Variants in INSL6 observed in about 807,000 individuals in gnomAD.
The protein encoded by INSL6 is insulin like 6, also known as insulin-like peptide INSL6.
In INSL6, 16 loss-of-function variants were observed where a neutral mutation model predicts 9.4. That is an observed-to-expected ratio of 1.70 (90% confidence interval 1.15 to 2.59). INSL6 has a LOEUF of 2.59. INSL6 is among the 30% of genes most tolerant of loss of function. INSL6 has a pLI of 0.00. For missense variants in INSL6, 391 were observed against 257.3 expected (o/e 1.52, Z -3.56); for synonymous variants, 154 against 96.9 (o/e 1.59, Z -3.46).
At chr9:5,006,924 T>C in the INSL6 span, among the ~76,000 whole-genome samples, 2 of 152,346 alleles carry the variant, frequency 1.3e-5, no homozygotes, top group East Asian at 1.9e-4. Flanking sequence ...AATTGGAGAA[T>C]ATTCCTGTTG....
At chr9:5,172,975 T>C (rs989195212) in intron 1 of INSL6, among the ~76,000 whole-genome samples, 16 of 151,646 alleles carry the variant, frequency 1.1e-4, no homozygotes, top group Non-Finnish European at 4.4e-5. Flanking sequence ...AGACATTTCT[T>C]AAAAGAAGGC....
intron 2 of INSL6, among the ~76,000 whole-genome samples, chr9:5,157,462 T>C (rs1230060886): frequency 1.3e-5 from 2 of 152,132 alleles, no homozygotes; most frequent in Non-Finnish European, 2.9e-5. Context: ...TATAGTCAAC[T>C]GATTTTTGTA....
chr9:5,115,303 TG>T, the INSL6 span, among the ~76,000 whole-genome samples: 1 of 151,986 alleles, frequency 6.6e-6, no homozygotes, highest in East Asian at 1.9e-4. Flanking sequence ...AACAAACATA[TG>T]AAAAAAAGCT....
chr9:5,036,859 A>G, the INSL6 span, among the ~76,000 whole-genome samples: 1 of 152,232 alleles, frequency 6.6e-6, no homozygotes, highest in Non-Finnish European at 1.5e-5. Context: ...AGAATTGACA[A>G]ATGGGATCTC....
the INSL6 span, among the ~76,000 whole-genome samples, chr9:4,995,340 G>C: frequency 2.0e-5 from 3 of 152,094 alleles, no homozygotes; most frequent in Non-Finnish European, 1.5e-5. Context: ...TAGATAGTGT[G>C]ATTTTGTTGT....
At chr9:5,030,313 T>C in the INSL6 span, among the ~76,000 whole-genome samples, 1 of 152,192 alleles carries the variant, frequency 6.6e-6, no homozygotes, top group Non-Finnish European at 1.5e-5. Context: ...AAAGAGACTT[T>C]TCCCAGTGTG....
At chr9:5,124,251 T>G (rs1351884982) in exon 4 of INSL6, among the ~76,000 whole-genome samples, 1 of 151,952 alleles carries the variant, frequency 6.6e-6, no homozygotes, top group Non-Finnish European at 1.5e-5. Context: ...TTGTTGCCTA[T>G]GCTTTTGAGG....
the INSL6 span, among the ~76,000 whole-genome samples, chr9:5,029,007 A>C: frequency 1.3e-5 from 2 of 152,182 alleles, no homozygotes; most frequent in Non-Finnish European, 2.9e-5. Context: ...CTTTGCATTC[A>C]GAACTTGATT....
the INSL6 span, chr9:5,070,154 C>A: frequency 2.7e-5 from 20 of 737,456 alleles, no homozygotes; most frequent in Non-Finnish European, 4.0e-5. Flanking sequence ...TTGTTATATA[C>A]AAATTTAGTT....
chr9:5,154,601 T>C (rs1368140606), intron 2 of INSL6, among the ~76,000 whole-genome samples: 3 of 152,154 alleles, frequency 2.0e-5, no homozygotes, highest in African/African-American at 7.2e-5. Flanking sequence ...ATCCAGAATC[T>C]ACGATGAACT....
the INSL6 span, among the ~76,000 whole-genome samples, chr9:5,051,731 G>T: frequency 6.6e-6 from 1 of 152,106 alleles, no homozygotes; most frequent in African/African-American, 2.4e-5. Context: ...CATGAGTGTG[G>T]TTAAAGCTTC....
intron 3 of INSL6, among the ~76,000 whole-genome samples, chr9:5,129,957 A>AGTT (rs1824231027): frequency 6.6e-6 from 1 of 152,146 alleles, no homozygotes; most frequent in Non-Finnish European, 1.5e-5. Context: ...AATTAATTTC[A>AGTT]GTTGTGTTTA....
At chr9:5,050,902 G>A in the INSL6 span, 1 of 1,339,494 alleles carries the variant, frequency 7.5e-7, no homozygotes, top group East Asian at 2.3e-5. Context: ...TATATTTTCT[G>A]TGTTTACCCA....
In INSL6 at chr9:5,140,527, CTCATTAG is replaced by C. The variant is rs1824476481; in HGVS notation, c.377-6942_377-6936del. Among the ~76,000 whole-genome samples the C allele has an allele frequency of 2.0e-5, 3 of 152,072 alleles. No individual in the cohort carries two copies. In the South Asian group the frequency reaches 6.2e-4, roughly 32 times the overall value. On this transcript the variant is annotated intron_variant, in intron 2 of 3. Transcript: ENST00000649639. ...CTTCTAATTAGTCTTCCTACCTTCT[CTCATTAG>C]TCTTGCACATCACTATTAGGTCATT...
chr9:5,127,064 G>A (rs1036475488), intron 3 of INSL6: 5 of 260,304 alleles, frequency 1.9e-5, no homozygotes, highest in Non-Finnish European at 2.9e-5. Flanking sequence ...TCTGGCAAAA[G>A]AAAAAAAATA....
intron 1 of INSL6, among the ~76,000 whole-genome samples, chr9:5,181,000 A>G (rs1458361390): frequency 6.6e-6 from 1 of 152,186 alleles, no homozygotes; most frequent in Non-Finnish European, 1.5e-5. Context: ...TCCTACTGAT[A>G]TGTGCTGTCA....
At chr9:5,098,582 G>A in the INSL6 span, 2 of 151,908 alleles carry the variant, frequency 1.3e-5, no homozygotes, top group Non-Finnish European at 2.9e-5. Context: ...TCATCCCTAC[G>A]TATTCTGTAT....
the INSL6 span, among the ~76,000 whole-genome samples, chr9:5,101,672 C>A: frequency 6.6e-6 from 1 of 152,198 alleles, no homozygotes; most frequent in East Asian, 1.9e-4. Context: ...TGGGACGAAG[C>A]TTCCAGAGGA....
the INSL6 span, chr9:5,041,576 C>T: frequency 3.9e-6 from 2 of 509,458 alleles, no homozygotes; most frequent in East Asian, 5.5e-5. Flanking sequence ...ACCTGCACTA[C>T]GTGCGGCGCC....
Sources: allele counts gnomAD v4.1 joint callset (sites outside exome capture counted in the v4.1 genomes callset), GRCh38; gene constraint gnomAD v4.1.1; transcripts MANE v1.5; gene names NCBI Gene and HGNC (gene_info 2026-07-23, HGNC 2026-07-21).